CCR2: variants seen among roughly 807,000 people sequenced by gnomAD.
CCR2 encodes C-C chemokine receptor type 2.
For synonymous variants in CCR2, 183 were observed against 177.1 expected (o/e 1.03, Z -0.27); for missense variants, 408 against 440.0 (o/e 0.93, Z 0.65).
rs1318872245 is a variant in CCR2, at chr3:46,359,191, G to C, written c.*581G>C. On this transcript the variant is annotated 3_prime_UTR_variant, in exon 2 of 2. Transcript: ENST00000445132. The stretch of plus-strand genomic sequence containing the variant: ...GTTTGGGAACTGCAATAACCTGGGA[G>C]TTTTGGTGGAGTCCGATGATTCTCT... 1.0e-6 allele frequency: 1 copy of C among 1,004,868 alleles called. No homozygotes were observed. Among genetic ancestry groups the C allele is most frequent in the Non-Finnish European group, 1.2e-6 (1 of 833,172 alleles). 62.2% of individuals were successfully genotyped at this position (1,004,868 alleles called of 1,614,324 possible). A position where few individuals can be genotyped will look rare whatever the true frequency, so the allele number is the denominator to read the frequency against.
At chr3:46,354,902 A>G (rs1701424302) in intron 1 of CCR2, 2 of 152,224 alleles carry the variant, frequency 1.3e-5, no homozygotes, top group Admixed American at 6.5e-5. Flanking sequence ...GATATGAAAT[A>G]CAAGACTTGT....
chr3:46,359,997 C>T lies in CCR2; in HGVS notation c.*1387C>T. The T allele has an allele frequency of 4.0e-6, 3 of 745,070 alleles. No homozygotes were observed. The highest frequency in any genetic ancestry group is 6.4e-6 in the Non-Finnish European group (3 of 471,272). 46.2% of individuals were successfully genotyped at this position (745,070 alleles called of 1,614,324 possible). ...GAGAGACTCCAGCTGGGTTGGAAAA[C>T]AGTATTTTCCAAACTACCTTCCAGT... is the stretch of plus-strand genomic sequence containing the variant. On this transcript the variant is annotated 3_prime_UTR_variant, in exon 2 of 2. Coordinates refer to ENST00000445132, the MANE Select transcript of CCR2 (RefSeq NM_001123396.4).
Position 46,357,476 on chromosome 3 carries a change from G to C in CCR2, c.-51-1G>C. ...GTCATCATTTTGTTCTTTGTTTACA[G>C]AACAGAGAAAGTGGATTGAACAAGG... is the stretch of plus-strand genomic sequence containing the variant. On this transcript the variant is annotated splice_acceptor_variant, in intron 1 of 1. Transcript: ENST00000445132. LOFTEE classifies it low-confidence loss of function (5UTR_SPLICE). 1.9e-6 allele frequency: 3 copies of C among 1,574,334 alleles called. No individual in the cohort carries two copies. The highest frequency in any genetic ancestry group is 2.6e-6 in the Non-Finnish European group (3 of 1,153,526).
In CCR2 at chr3:46,357,727, T is replaced by C; in HGVS notation, c.200T>C (p.Leu67Ser). ...FVGNMLVVLI[L>S]INCKKLKCLT... ...GGCAACATGCTGGTCGTCCTCATCTTAATAAACTGCAAAAAGCTGAAGTGC... is the reference window on the plus strand; with the variant it reads ...GGCAACATGCTGGTCGTCCTCATCTCAATAAACTGCAAAAAGCTGAAGTGC... The change falls in exon 2 of 2, where the codon TTA becomes TCA. Residue 67 changes from leucine (L) to serine (S), a missense_variant. Physicochemically the swap from Leu to Ser is moderately radical, Grantham distance 145. Transcript: ENST00000445132. 6.2e-7 allele frequency: 1 copy of C among 1,614,184 alleles called. No homozygotes were observed. Among genetic ancestry groups the C allele is most frequent in the Non-Finnish European group, 8.5e-7 (1 of 1,180,022 alleles).
Position 46,358,994 on chromosome 3 carries a change from G to A in CCR2, c.*384G>A. The A allele has an allele frequency of 1.9e-6, 2 of 1,046,498 alleles. No individual in the cohort carries two copies. The highest frequency in any genetic ancestry group is 2.3e-6 in the Non-Finnish European group (2 of 859,538). The allele number at this position is 1,046,498 out of a possible 1,614,324, so 64.8% of individuals were successfully genotyped here. On this transcript the variant is annotated 3_prime_UTR_variant, in exon 2 of 2. Coordinates refer to ENST00000445132, the MANE Select transcript of CCR2 (RefSeq NM_001123396.4). Reference sequence around the variant, plus strand: ...GACAGGCACAGATGAATGGGAGTGAGGGATAGTGGGGTCAGGGCTGAGAGG... The same window carrying A: ...GACAGGCACAGATGAATGGGAGTGAAGGATAGTGGGGTCAGGGCTGAGAGG...
In CCR2 at chr3:46,359,673, A is replaced by C; in HGVS notation, c.*1063A>C. 1 of 1,606,864 alleles carries C rather than the reference A, an allele frequency of 6.2e-7. No homozygotes were observed. Among genetic ancestry groups the C allele is most frequent in the Non-Finnish European group, 8.5e-7 (1 of 1,178,014 alleles). On this transcript the variant is annotated 3_prime_UTR_variant, in exon 2 of 2. Coordinates refer to ENST00000445132, the MANE Select transcript of CCR2 (RefSeq NM_001123396.4). The stretch of plus-strand genomic sequence containing the variant: ...CTCCCCTCACTCTTCTCTTTTCCCC[A>C]CAGCCTTTTTCACATAGCTCTTGGC...
chr3:46,356,165 C>A (rs544742606), intron 1 of CCR2, among the ~76,000 whole-genome samples: 2 of 152,264 alleles, frequency 1.3e-5, no homozygotes, highest in South Asian at 2.1e-4. Flanking sequence ...ATGCATCAGG[C>A]AATGGGAAAT....
chr3:46,358,287 C>T lies in CCR2; in HGVS notation c.760C>T (p.Leu254Phe). 6.2e-7 allele frequency: 1 copy of T among 1,614,184 alleles called. No individual in the cohort carries two copies. The highest frequency in any genetic ancestry group is 8.5e-7 in the Non-Finnish European group (1 of 1,180,026). The change falls in exon 2 of 2, where the codon CTC becomes TTC. Residue 254 changes from leucine (L) to phenylalanine (F), a missense_variant. Physicochemically the swap from Leu to Phe is conservative, Grantham distance 22. Coordinates refer to ENST00000445132, the MANE Select transcript of CCR2 (RefSeq NM_001123396.4). ...VIFTIMIVYF[L>F]FWTPYNIVIL... ...CTTCACCATCATGATTGTTTACTTT[C>T]TCTTCTGGACTCCCTATAATATTGT...
In CCR2 at chr3:46,359,658, T is replaced by A. The variant is rs749317568; in HGVS notation, c.*1048T>A. ...TTCCCTGCCTTGCCACTCCCCTCAC[T>A]CTTCTCTTTTCCCCACAGCCTTTTT... On this transcript the variant is annotated 3_prime_UTR_variant, in exon 2 of 2. Coordinates refer to ENST00000445132, the MANE Select transcript of CCR2 (RefSeq NM_001123396.4). 19 of 1,602,508 alleles carry A rather than the reference T, an allele frequency of 1.2e-5. No homozygotes were observed. The highest frequency in any genetic ancestry group is 2.7e-5 in the African/African-American group (2 of 74,028).
chr3:46,356,195 G>C (rs1223823513), intron 1 of CCR2, among the ~76,000 whole-genome samples: 1 of 152,240 alleles, frequency 6.6e-6, no homozygotes, highest in Non-Finnish European at 1.5e-5. Flanking sequence ...AGGCTTAGGG[G>C]AAAGCTGGAG....
rs1701535678 is a variant in CCR2, at chr3:46,360,677, A to C, written c.*2067A>C. ...GTGTTTCTGATCTGATGCAAGCAAG[A>C]AACACTGGGCTTCTAGAACCAGGCA... is the stretch of plus-strand genomic sequence containing the variant. On this transcript the variant is annotated 3_prime_UTR_variant, in exon 2 of 2. Coordinates refer to ENST00000445132, the MANE Select transcript of CCR2 (RefSeq NM_001123396.4). 6.6e-6 allele frequency: 1 copy of C among 152,208 alleles called. No homozygotes were observed. The allele number at this position is 152,208 out of a possible 1,614,324, so 9.4% of individuals were successfully genotyped here. A position where few individuals can be genotyped will look rare whatever the true frequency, so the allele number is the denominator to read the frequency against.
chr3:46,356,416 C>T (rs761861311), intron 1 of CCR2, among the ~76,000 whole-genome samples: 1 of 152,028 alleles, frequency 6.6e-6, no homozygotes, highest in Non-Finnish European at 1.5e-5. Context: ...TAGCACAGCC[C>T]CTCCCATCTG....
At chr3:46,355,462 G>C (rs1385836616) in intron 1 of CCR2, among the ~76,000 whole-genome samples, 1 of 152,214 alleles carries the variant, frequency 6.6e-6, no homozygotes, top group East Asian at 1.9e-4. Context: ...GGCAAACTCA[G>C]AAAAGATGTT....
At chr3:46,356,705 G>A (rs1701458858) in intron 1 of CCR2, among the ~76,000 whole-genome samples, 1 of 152,118 alleles carries the variant, frequency 6.6e-6, no homozygotes, top group Admixed American at 6.6e-5. Flanking sequence ...GCATCAGGAG[G>A]TCAAGAGACC....
At chr3:46,357,273 C>G (rs910326416) in intron 1 of CCR2, among the ~76,000 whole-genome samples, 1 of 152,120 alleles carries the variant, frequency 6.6e-6, no homozygotes, top group East Asian at 1.9e-4. Context: ...TAAAGGGTGT[C>G]GGAAAATGGC....
intron 1 of CCR2, among the ~76,000 whole-genome samples, chr3:46,355,351 A>G (rs1183820147): frequency 6.6e-6 from 1 of 152,216 alleles, no homozygotes; most frequent in African/African-American, 2.4e-5. Flanking sequence ...CCACTGAAGC[A>G]TGAAGGAAAT....
chr3:46,359,196 G>T lies in CCR2; in HGVS notation c.*586G>T, dbSNP rs1029223619. The T allele has an allele frequency of 2.0e-6, 2 of 1,004,526 alleles. No individual in the cohort carries two copies. The highest frequency in any genetic ancestry group is 2.4e-6 in the Non-Finnish European group (2 of 832,950). 62.2% of individuals were successfully genotyped at this position (1,004,526 alleles called of 1,614,324 possible). On this transcript the variant is annotated 3_prime_UTR_variant, in exon 2 of 2. Coordinates refer to ENST00000445132, the MANE Select transcript of CCR2 (RefSeq NM_001123396.4). The stretch of plus-strand genomic sequence containing the variant: ...GGAACTGCAATAACCTGGGAGTTTT[G>T]GTGGAGTCCGATGATTCTCTTTTGC...
At position 46,357,884 on chromosome 3, in the gene CCR2, G is replaced by A. The variant is rs770238230; in HGVS notation, c.357G>A (p.Leu119=). 3 of 1,614,080 alleles carry A rather than the reference G, an allele frequency of 1.9e-6. No homozygotes were observed. The highest frequency in any genetic ancestry group is 2.5e-6 in the Non-Finnish European group (3 of 1,180,020). The stretch of plus-strand genomic sequence containing the variant: ...CAATGTGCAAATTATTCACAGGGCT[G>A]TATCACATCGGTTATTTTGGCGGAA... ...GNAMCKLFTG[L]YHIGYFGGIF... The change falls in exon 2 of 2, where the codon CTG becomes CTA. Residue 119 remains leucine, a synonymous_variant. Transcript: ENST00000445132.
Position 46,360,213 on chromosome 3 carries a change from A to T in CCR2, c.*1603A>T, listed in dbSNP as rs1701528112. 2 of 269,432 alleles carry T rather than the reference A, an allele frequency of 7.4e-6. No individual in the cohort carries two copies. The highest frequency in any genetic ancestry group is 1.4e-5 in the Non-Finnish European group (2 of 140,586). 16.7% of individuals were successfully genotyped at this position (269,432 alleles called of 1,614,324 possible). Reference sequence around the variant, plus strand: ...AGCTTAAGAATTTTGAGCAGGTGGTATGTTTGGGAGACTGCTGAGTCAACC... The same window carrying T: ...AGCTTAAGAATTTTGAGCAGGTGGTTTGTTTGGGAGACTGCTGAGTCAACC... On this transcript the variant is annotated 3_prime_UTR_variant, in exon 2 of 2. Coordinates refer to ENST00000445132, the MANE Select transcript of CCR2 (RefSeq NM_001123396.4).
Sources: gnomAD v4.1 joint callset for allele counts (sites outside exome capture counted in the v4.1 genomes callset) on GRCh38, gnomAD v4.1.1 for gene constraint, MANE v1.5 for transcripts, NCBI Gene and HGNC (gene_info 2026-07-23, HGNC 2026-07-21) for gene names.